Variants in MMP26 observed in about 807,000 individuals in gnomAD.
The protein encoded by MMP26 is matrix metallopeptidase 26, also known as matrix metalloproteinase-26.
A neutral mutation model predicts 31.0 loss-of-function variants in MMP26; 33 were observed. The ratio of observed to expected loss-of-function variants is 1.06; its 90% CI spans 0.81 to 1.42. MMP26 has a LOEUF of 1.42. MMP26 is among the 40% of genes most tolerant of loss of function. The pLI is 0.00. For missense variants in MMP26, 347 were observed against 316.1 expected (o/e 1.10, Z -0.74); for synonymous variants, 122 against 114.9 (o/e 1.06, Z -0.40).
At chr11:4,773,970 C>T (rs1848759461) in intron 2 of MMP26, among the ~76,000 whole-genome samples, 1 of 152,146 alleles carries the variant, frequency 6.6e-6, no homozygotes. Context: ...AACATGATCT[C>T]ATTCCTTTTT....
chr11:4,921,664 A>G (rs553961627), intron 2 of MMP26, among the ~76,000 whole-genome samples: 64 of 152,362 alleles, frequency 4.2e-4, no homozygotes, highest in African/African-American at 1.4e-3. Flanking sequence ...ATGAATCTAC[A>G]TATTTAAAAT....
intron 2 of MMP26, among the ~76,000 whole-genome samples, chr11:4,833,526 A>G (rs1849673991): frequency 6.6e-6 from 1 of 152,148 alleles, no homozygotes; most frequent in African/African-American, 2.4e-5. Flanking sequence ...TTGTCTAAGT[A>G]TGTTCTTTAC....
chr11:4,943,907 A>G (rs1268621711), intron 2 of MMP26: 5 of 438,090 alleles, frequency 1.1e-5, no homozygotes, highest in Non-Finnish European at 2.3e-5. Context: ...TTTATGTGAC[A>G]TCTATGTACA....
intron 2 of MMP26, among the ~76,000 whole-genome samples, chr11:4,981,770 A>T (rs1589823799): frequency 1.3e-5 from 2 of 151,816 alleles, no homozygotes; most frequent in East Asian, 1.9e-4. Context: ...ACTGTAAAAA[A>T]TTTTTTCTTT....
At chr11:4,791,553 T>G (rs1355193347) in intron 2 of MMP26, among the ~76,000 whole-genome samples, 1 of 152,170 alleles carries the variant, frequency 6.6e-6, no homozygotes, top group East Asian at 1.9e-4. Context: ...CTTGGGTCAT[T>G]ATATTGTTAA....
intron 2 of MMP26, among the ~76,000 whole-genome samples, chr11:4,814,472 C>T (rs913552926): frequency 7.2e-5 from 11 of 151,940 alleles, no homozygotes; most frequent in Admixed American, 6.6e-5. Context: ...AAGTATGAAG[C>T]GCTTCATAAA....
At position 4,753,895 on chromosome 11, in the gene MMP26, C is replaced by G. The variant is rs890156940; in HGVS notation, c.-216-13375C>G. Among the ~76,000 whole-genome samples, 3 of 152,004 alleles carry G rather than the reference C, an allele frequency of 2.0e-5. No homozygotes were observed. The East Asian group carries it at 5.8e-4, about 29-fold the overall frequency. Reference sequence around the variant, plus strand: ...CCGTTTATGATTATAAAACCTGCTTCTGTTGTGATAAAAATCAGTGAGGCA... The same window carrying G: ...CCGTTTATGATTATAAAACCTGCTTGTGTTGTGATAAAAATCAGTGAGGCA... On this transcript the variant is annotated intron_variant, in intron 1 of 7. Coordinates refer to ENST00000380390, the MANE Select transcript of MMP26 (RefSeq NM_021801.5).
intron 2 of MMP26, chr11:4,943,486 G>GT (rs1564811703): frequency 4.4e-6 from 2 of 455,838 alleles, no homozygotes; most frequent in Non-Finnish European, 8.8e-6. Context: ...TTAGACTAAG[G>GT]TTTTTTTAAT....
At chr11:4,884,566 C>T (rs768822604) in intron 2 of MMP26, among the ~76,000 whole-genome samples, 3 of 152,010 alleles carry the variant, frequency 2.0e-5, no homozygotes, top group Non-Finnish European at 4.4e-5. Flanking sequence ...AGTCTCTGAC[C>T]CTGAAATTAA....
chr11:4,710,599 A>AC, intron 1 of MMP26: 1 of 353,480 alleles, frequency 2.8e-6, no homozygotes, highest in South Asian at 2.1e-5. Context: ...TTGTTTATTG[A>AC]AACAGCTGGT....
At chr11:4,711,018 T>C (rs1266695256) in intron 1 of MMP26, 1 of 152,534 alleles carries the variant, frequency 6.6e-6, no homozygotes, top group African/African-American at 2.4e-5. Flanking sequence ...AAAAGAGTAC[T>C]TGAGGTCACC....
At chr11:4,882,673 C>G (rs763182459) in intron 2 of MMP26, 4 of 1,613,940 alleles carry the variant, frequency 2.5e-6, no homozygotes, top group Admixed American at 1.7e-5. Context: ...TGCCACTGAT[C>G]AGCCTCTCTT....
chr11:4,848,922 C>G (rs767944836), intron 2 of MMP26: 1 of 1,613,976 alleles, frequency 6.2e-7, no homozygotes, highest in South Asian at 1.1e-5. Context: ...AGTGTGAGCA[C>G]CAGCAAGGGC....
chr11:4,770,338 A>G (rs1332362079), intron 2 of MMP26, among the ~76,000 whole-genome samples: 1 of 152,252 alleles, frequency 6.6e-6, no homozygotes, highest in Non-Finnish European at 1.5e-5. Flanking sequence ...TTCTTCAGTG[A>G]CCATAAGGGT....
intron 2 of MMP26, among the ~76,000 whole-genome samples, chr11:4,828,113 C>G (rs1278265653): frequency 6.6e-6 from 1 of 152,062 alleles, no homozygotes; most frequent in African/African-American, 2.4e-5. Flanking sequence ...TTAAAATATA[C>G]ATTTTTCTGA....
chr11:4,901,073 T>C (rs1470942982), intron 2 of MMP26, among the ~76,000 whole-genome samples: 1 of 151,258 alleles, frequency 6.6e-6, no homozygotes, highest in African/African-American at 2.4e-5. Context: ...TAGCTACAAG[T>C]GTAAGCTTAG....
At position 4,953,576 on chromosome 11, in the gene MMP26, T is replaced by A. The variant is rs114522918; in HGVS notation, c.-144-34492T>A. The stretch of plus-strand genomic sequence containing the variant: ...ACATTTAAAGAAAAAAGAAAAGGAA[T>A]GCCTTACACAAAATTGGTGTCAAGC... On this transcript the variant is annotated intron_variant, in intron 2 of 7. Coordinates refer to ENST00000380390, the MANE Select transcript of MMP26 (RefSeq NM_021801.5). Among the ~76,000 whole-genome samples, 109 of 125,642 alleles carry A rather than the reference T, an allele frequency of 8.7e-4. 19 individuals carry two copies. The highest frequency in any genetic ancestry group is 2.7e-3 in the African/African-American group (99 of 37,060). The allele number at this position is 125,642 out of a possible 152,430, so 82.4% of individuals were successfully genotyped here.
At chr11:4,802,793 C>T (rs1447150780) in intron 2 of MMP26, among the ~76,000 whole-genome samples, 4 of 151,964 alleles carry the variant, frequency 2.6e-5, no homozygotes, top group Admixed American at 1.3e-4. Context: ...GCCTTATGGG[C>T]GATAGTTTTT....
intron 2 of MMP26, among the ~76,000 whole-genome samples, chr11:4,866,021 A>G (rs1850229226): frequency 6.6e-6 from 1 of 152,200 alleles, no homozygotes; most frequent in Non-Finnish European, 1.5e-5. Flanking sequence ...TGTATGCTAC[A>G]CACACCACTC....
Sources: allele counts gnomAD v4.1 joint callset (sites outside exome capture counted in the v4.1 genomes callset), GRCh38; gene constraint gnomAD v4.1.1; transcripts MANE v1.5; gene names NCBI Gene and HGNC (gene_info 2026-07-23, HGNC 2026-07-21).